Variants in SAPCD2 observed in about 807,000 individuals in gnomAD.
SAPCD2 encodes suppressor APC domain containing 2, also known as suppressor APC domain-containing protein 2.
SAPCD2 carries 34 observed loss-of-function variants against 37.8 expected under a neutral mutation model. That is an observed-to-expected ratio of 0.90 (90% CI 0.68 to 1.20). The LOEUF (loss-of-function observed/expected upper bound fraction) is 1.20, where lower values mean the gene tolerates loss of function less well. Among genes scored for constraint, SAPCD2 ranks in the 50% most tolerant of loss-of-function variants. The pLI is 0.00. For missense variants in SAPCD2, 572 were observed against 584.7 expected, an observed-to-expected ratio of 0.98 and a Z score of 0.22; for synonymous variants, 275 against 270.3, an observed-to-expected ratio of 1.02 and a Z score of -0.17.
rs1273828957 is a variant in SAPCD2, at chr9:137,067,381, G to A, written c.572-1007C>T. Among the ~76,000 whole-genome samples the A allele has an allele frequency of 3.3e-5, 5 of 152,112 alleles. No individual in the cohort carries two copies. In the East Asian group the frequency reaches 9.7e-4, roughly 30 times the overall value. On this transcript the variant is annotated intron_variant, in intron 1 of 5. Coordinates refer to ENST00000409687, the MANE Select transcript of SAPCD2 (RefSeq NM_178448.4). ...GGCTACTCAGGAGCCTGAGGCAGGA[G>A]GATTGCTTGAGCCTGGGAGGCAGAG...
In SAPCD2 at chr9:137,065,068, G is replaced by T. The variant is rs1161839622; in HGVS notation, c.939+10C>A. The T allele has an allele frequency of 1.3e-6, 2 of 1,518,830 alleles. No individual in the cohort carries two copies. The highest frequency in any genetic ancestry group is 2.4e-5 in the East Asian group (1 of 40,958). The allele number at this position is 1,518,830 out of a possible 1,614,324, so 94.1% of individuals were successfully genotyped here. ...CCCAGCGTGGGTGTGGGGGTTTGGG[G>T]TACACTCACCCGGCTGGCACAGGCT... On this transcript the variant is annotated intron_variant, in intron 4 of 5. Coordinates refer to ENST00000409687, the MANE Select transcript of SAPCD2 (RefSeq NM_178448.4).
chr9:137,067,199 G>A (rs1681341154), intron 1 of SAPCD2, among the ~76,000 whole-genome samples: 1 of 151,760 alleles, frequency 6.6e-6, no homozygotes, highest in South Asian at 2.1e-4. Flanking sequence ...ATGTTGACCA[G>A]GCTGGTCCTG....
chr9:137,069,781 C>T (rs1324389487), intron 1 of SAPCD2, 109 bp downstream of exon 1: 2 of 807,406 alleles, frequency 2.5e-6, no homozygotes, highest in Non-Finnish European at 3.3e-6. Flanking sequence ...AGAGCCGCTC[C>T]CCGGTCCCGT....
Position 137,064,967 on chromosome 9 carries a change from A to T in SAPCD2, c.952T>A (p.Ser318Thr). The change falls in exon 5 of 6, where the codon TCC becomes ACC. Residue 318 changes from serine (S) to threonine (T), a missense_variant. By Grantham distance (58) the Ser-to-Thr change is moderately conservative. Coordinates refer to ENST00000409687, the MANE Select transcript of SAPCD2 (RefSeq NM_178448.4). ...GCAGGGCAGGGGGGCCCGGAGGAGG[A>T]CGGGGGCAGGGCCTGCGGGAGGGCA... Reference protein sequence around the residue: ...AACASRALPPSSSGPPCPALT... With the variant: ...AACASRALPPTSSGPPCPALT... 9.8e-6 allele frequency: 15 copies of T among 1,532,882 alleles called. No homozygotes were observed. Among genetic ancestry groups the T allele is most frequent in the Non-Finnish European group, 1.3e-5 (15 of 1,133,676 alleles). The allele number at this position is 1,532,882 out of a possible 1,614,324, so 95.0% of individuals were successfully genotyped here. A position where few individuals can be genotyped will look rare whatever the true frequency, so the allele number is the denominator to read the frequency against.
intron 3 of SAPCD2, 34 bp from the exon 4 acceptor site, chr9:137,065,219 G>A (rs748122934): frequency 1.6e-4 from 225 of 1,390,552 alleles, no homozygotes; most frequent in Non-Finnish European, 1.9e-4. Flanking sequence ...CGGTCAGAGA[G>A]GAGGTCCAGC....
intron 1 of SAPCD2, among the ~76,000 whole-genome samples, chr9:137,068,604 C>T (rs1441639914): frequency 6.6e-6 from 1 of 152,226 alleles, no homozygotes; most frequent in Admixed American, 6.5e-5. Flanking sequence ...CCAGCTGTGT[C>T]AATCAAATAT....
rs535844940 is a variant in SAPCD2, at chr9:137,065,784, C to A, written c.685-116G>T. 5,290 of 1,304,198 alleles carry A rather than the reference C, an allele frequency of 4.1e-3. 17 individuals carry two copies. The highest frequency in any genetic ancestry group is 4.6e-3 in the Non-Finnish European group (4,324 of 935,562). 80.8% of individuals were successfully genotyped at this position (1,304,198 alleles called of 1,614,324 possible). A position where few individuals can be genotyped will look rare whatever the true frequency, so the allele number is the denominator to read the frequency against. On this transcript the variant is annotated intron_variant, in intron 2 of 5. Transcript: ENST00000409687. ...AGCCACAGACACAAATGCAGCAGCA[C>A]GTGTACACGTTTGCAAACACCCACG...
In SAPCD2 at chr9:137,070,555, A is replaced by G. The variant is rs1832612274; in HGVS notation, c.-95T>C. 1 of 769,046 alleles carries G rather than the reference A, an allele frequency of 1.3e-6. No homozygotes were observed. Among genetic ancestry groups the G allele is most frequent in the East Asian group, 3.9e-5 (1 of 25,560 alleles). The allele number at this position is 769,046 out of a possible 1,614,324, so 47.6% of individuals were successfully genotyped here. A position where few individuals can be genotyped will look rare whatever the true frequency, so the allele number is the denominator to read the frequency against. On this transcript the variant is annotated 5_prime_UTR_variant, in exon 1 of 6. Coordinates refer to ENST00000409687, the MANE Select transcript of SAPCD2 (RefSeq NM_178448.4). ...GGCGAGCTCAGCCCACGGCGACAAT[A>G]GCGACTACTTTTGAATGGGGCCCTC... is the stretch of plus-strand genomic sequence containing the variant.
Position 137,065,072 on chromosome 9 carries a change from A to G in SAPCD2, c.939+6T>C. 3.3e-6 allele frequency: 5 copies of G among 1,520,282 alleles called. No individual in the cohort carries two copies. The highest frequency in any genetic ancestry group is 4.1e-5 in the Admixed American group (2 of 48,322). 94.2% of individuals were successfully genotyped at this position (1,520,282 alleles called of 1,614,324 possible). ...GCGTGGGTGTGGGGGTTTGGGGTAC[A>G]CTCACCCGGCTGGCACAGGCTGCAG... On this transcript the variant is annotated splice_donor_region_variant and intron_variant, in intron 4 of 5. Coordinates refer to ENST00000409687, the MANE Select transcript of SAPCD2 (RefSeq NM_178448.4).
chr9:137,069,854 A>G, intron 1 of SAPCD2, 36 bp downstream of exon 1: 1 of 1,223,660 alleles, frequency 8.2e-7, no homozygotes, highest in Non-Finnish European at 1.0e-6. Context: ...GGCCCGGGAG[A>G]GCTACGAGGG....
Position 137,065,121 on chromosome 9 carries a change from G to T in SAPCD2, c.896C>A (p.Ala299Asp). The part of the protein sequence containing the change: ...GRLLPKVQEV[A>D]RCLGELLAAA... ...AGCCAGCAGCTCCCCCAGGCACCGG[G>T]CCACCTCTTGTACCTTGGGCAGTAG... Residue 299 changes from alanine (A) to aspartate (D), a missense_variant, in exon 4 of 6, where the codon GCC becomes GAC. By Grantham distance (126) the Ala-to-Asp change is moderately radical. Transcript: ENST00000409687. The T allele has an allele frequency of 6.5e-7, 1 of 1,545,046 alleles. No individual in the cohort carries two copies. The highest frequency in any genetic ancestry group is 2.4e-5 in the East Asian group (1 of 42,098).
intron 1 of SAPCD2, among the ~76,000 whole-genome samples, chr9:137,067,618 A>G (rs565870806): frequency 2.0e-5 from 3 of 151,186 alleles, no homozygotes; most frequent in African/African-American, 7.3e-5. Context: ...TACTAAAAAT[A>G]CAAAAATTAG....
chr9:137,063,498 ACCCCG>A lies in SAPCD2; in HGVS notation c.*1156_*1160del, dbSNP rs1832492325. The A allele has an allele frequency of 1.5e-5, 1 of 66,600 alleles. No homozygotes were observed. The highest frequency in any genetic ancestry group is 9.0e-4 in the East Asian group (1 of 1,112). 4.1% of individuals were successfully genotyped at this position (66,600 alleles called of 1,614,324 possible). ...GAGGCCCTGCGCCCCACACACACTG[ACCCCG>A]CATCGGCATCGGGGGCCCTGCGCCC... On this transcript the variant is annotated 3_prime_UTR_variant, in exon 6 of 6. Transcript: ENST00000409687.
In SAPCD2 at chr9:137,066,307, C is replaced by T; in HGVS notation, c.639G>A (p.Gly213=). The change falls in exon 2 of 6, where the codon GGG becomes GGA. Residue 213 remains glycine, a synonymous_variant. Coordinates refer to ENST00000409687, the MANE Select transcript of SAPCD2 (RefSeq NM_178448.4). ...GDARRAPRAR[G]ERRRHTIASG... ...TGGCGATGGTGTGCCTCCGACGTTC[C>T]CCTCGGGCACGGGGAGCCCGCCGGG... The T allele has an allele frequency of 6.2e-7, 1 of 1,609,982 alleles. No homozygotes were observed. Among genetic ancestry groups the T allele is most frequent in the Non-Finnish European group, 8.5e-7 (1 of 1,179,114 alleles).
rs1191875855 is a variant in SAPCD2, at chr9:137,069,938, C to A, written c.523G>T (p.Glu175Ter). 1.6e-6 allele frequency: 2 copies of A among 1,272,198 alleles called. No individual in the cohort carries two copies. The highest frequency in any genetic ancestry group is 2.7e-5 in the South Asian group (1 of 37,708). The allele number at this position is 1,272,198 out of a possible 1,614,324, so 78.8% of individuals were successfully genotyped here. A position where few individuals can be genotyped will look rare whatever the true frequency, so the allele number is the denominator to read the frequency against. The change falls in exon 1 of 6, where the codon GAG becomes TAG. Residue 175 changes from glutamate to a stop codon, truncating the protein, a stop_gained. Transcript: ENST00000409687. LOFTEE classifies it high-confidence loss of function. ...TCCAGCGCCGCGCTCTGGGACCGCT[C>A]GGGCTCCGCGGGGCAGGGCGCCGCC... Reference protein sequence around the residue: ...AEAAPCPAEPERSQSAALEPS... With the variant: ...AEAAPCPAEP
At chr9:137,069,831 G>A in intron 1 of SAPCD2, 59 bp downstream of exon 1, 1 of 1,130,322 alleles carries the variant, frequency 8.8e-7, no homozygotes, top group Non-Finnish European at 1.1e-6. Flanking sequence ...GTGGGACTGC[G>A]GTTTCTGGCC....
intron 1 of SAPCD2, among the ~76,000 whole-genome samples, chr9:137,069,465 G>A (rs1262063505): frequency 1.3e-5 from 2 of 152,216 alleles, no homozygotes; most frequent in South Asian, 2.1e-4. Context: ...ACTGAGAAGG[G>A]GGACCCTTTC....
At position 137,064,890 on chromosome 9, in the gene SAPCD2, C is replaced by T. The variant is rs777494315; in HGVS notation, c.1029G>A (p.Leu343=). The change falls in exon 5 of 6, where the codon CTG becomes CTA. Residue 343 remains leucine, a synonymous_variant. Coordinates refer to ENST00000409687, the MANE Select transcript of SAPCD2 (RefSeq NM_178448.4). ...GGGTGAGGAGTCGGTTCTGCTCCTT[C>T]AGCATGAGGATGGTCTGCTGCTGCC... ...PVWQQQTILM[L]KEQNRLLTQE... 1.7e-5 allele frequency: 26 copies of T among 1,562,596 alleles called. No homozygotes were observed. Among genetic ancestry groups the T allele is most frequent in the Non-Finnish European group, 2.1e-5 (24 of 1,153,668 alleles).
Position 137,070,092 on chromosome 9 carries a change from C to T in SAPCD2, c.369G>A (p.Leu123=). The T allele has an allele frequency of 8.4e-7, 1 of 1,192,516 alleles. No individual in the cohort carries two copies. Among genetic ancestry groups the T allele is most frequent in the East Asian group, 3.6e-5 (1 of 27,928 alleles). The allele number at this position is 1,192,516 out of a possible 1,614,324, so 73.9% of individuals were successfully genotyped here. A position where few individuals can be genotyped will look rare whatever the true frequency, so the allele number is the denominator to read the frequency against. ...GDQPPPPPQR[L]VFAPADEPRT... is the part of the protein sequence containing the mutation. ...GCGGCTCGTCGGCCGGAGCGAACACCAGGCGCTGCGGCGGCGGCGGCGGCT... is the reference window on the plus strand; with the variant it reads ...GCGGCTCGTCGGCCGGAGCGAACACTAGGCGCTGCGGCGGCGGCGGCGGCT... The change falls in exon 1 of 6, where the codon CTG becomes CTA. Residue 123 remains leucine (L), a synonymous_variant. Coordinates refer to ENST00000409687, the MANE Select transcript of SAPCD2 (RefSeq NM_178448.4).
Sources: gnomAD v4.1 joint callset for allele counts (sites outside exome capture counted in the v4.1 genomes callset) on GRCh38, gnomAD v4.1.1 for gene constraint, MANE v1.5 for transcripts, NCBI Gene and HGNC (gene_info 2026-07-23, HGNC 2026-07-21) for gene names.